RABGEF1: variants seen among roughly 807,000 people sequenced by gnomAD.
The protein encoded by RABGEF1 is RAB guanine nucleotide exchange factor 1.
A neutral mutation model predicts 57.3 loss-of-function variants in RABGEF1; 26 were observed. The observed-to-expected ratio is 0.45, with a 90% CI of 0.33 to 0.63. The LOEUF (loss-of-function observed/expected upper bound fraction) is 0.63. Among genes scored for constraint, RABGEF1 ranks in the 20% least tolerant of loss-of-function variants. The probability of loss-of-function intolerance (pLI) is 0.02; values close to 1 mark genes in which losing one functional copy is unlikely to be tolerated. For synonymous variants in RABGEF1, 185 were observed against 210.7 expected (o/e 0.88, Z 1.06); for missense variants, 464 against 607.6 (o/e 0.76, Z 2.48).
At chr7:66,741,649 T>G (rs1389316735) in intron 1 of RABGEF1, among the ~76,000 whole-genome samples, 3 of 152,200 alleles carry the variant, frequency 2.0e-5, no homozygotes, top group Non-Finnish European at 2.9e-5. Flanking sequence ...AGTTGGTTTT[T>G]GGCCTGGAGA....
intron 1 of RABGEF1, among the ~76,000 whole-genome samples, chr7:66,686,896 A>G (rs956468077): frequency 4.0e-5 from 6 of 150,534 alleles, no homozygotes; most frequent in African/African-American, 1.2e-4. Flanking sequence ...ATCTCGGCTC[A>G]CTGCAAGCTC....
At chr7:66,671,036 G>T in the RABGEF1 span, among the ~76,000 whole-genome samples, 16 of 151,810 alleles carry the variant, frequency 1.1e-4, no homozygotes, top group African/African-American at 3.6e-4. Flanking sequence ...TATATATAGA[G>T]AGAGAGATAG....
At chr7:66,761,056 C>A (rs1804201924) in intron 1 of RABGEF1, among the ~76,000 whole-genome samples, 1 of 152,166 alleles carries the variant, frequency 6.6e-6, no homozygotes, top group Non-Finnish European at 1.5e-5. Flanking sequence ...GAATTGAGAA[C>A]CTGTGATATG....
the RABGEF1 span, among the ~76,000 whole-genome samples, chr7:66,675,861 A>T: frequency 6.6e-6 from 1 of 152,290 alleles, no homozygotes; most frequent in African/African-American, 2.4e-5. Context: ...TTTAGGGTAA[A>T]TTTAACCAAG....
At chr7:66,708,285 T>C (rs1463583320) in intron 1 of RABGEF1, among the ~76,000 whole-genome samples, 1 of 151,976 alleles carries the variant, frequency 6.6e-6, no homozygotes, top group African/African-American at 2.4e-5. Context: ...GTTTTTTTTT[T>C]TTCCTAATTT....
chr7:66,759,673 T>C (rs1399597499), intron 1 of RABGEF1, among the ~76,000 whole-genome samples: 2 of 152,068 alleles, frequency 1.3e-5, no homozygotes, highest in Non-Finnish European at 2.9e-5. Context: ...GTGTCTCCCC[T>C]AGTGGGAGCA....
intron 4 of RABGEF1, among the ~76,000 whole-genome samples, chr7:66,787,676 A>G (rs976426621): frequency 6.6e-6 from 1 of 152,126 alleles, no homozygotes; most frequent in Non-Finnish European, 1.5e-5. Context: ...ACCTTAACCA[A>G]GCTTCACACA....
intron 4 of RABGEF1, among the ~76,000 whole-genome samples, chr7:66,785,884 A>G (rs1811068299): frequency 6.6e-6 from 1 of 152,132 alleles, no homozygotes; most frequent in South Asian, 2.1e-4. Context: ...GGGGGGAAAA[A>G]AAAAAAGTCT....
intron 3 of RABGEF1, among the ~76,000 whole-genome samples, chr7:66,776,397 A>C (rs1393015371): frequency 6.6e-6 from 1 of 152,236 alleles, no homozygotes; most frequent in African/African-American, 2.4e-5. Flanking sequence ...CCTCTCTTTA[A>C]GACATGGATA....
chr7:66,750,540 G>A (rs1165026603), intron 1 of RABGEF1, among the ~76,000 whole-genome samples: 1 of 152,086 alleles, frequency 6.6e-6, no homozygotes, highest in Non-Finnish European at 1.5e-5. Flanking sequence ...CCTTAAAGAG[G>A]AATTTTTGCC....
chr7:66,708,930 C>A (rs1353618161), intron 1 of RABGEF1, among the ~76,000 whole-genome samples: 2 of 152,008 alleles, frequency 1.3e-5, no homozygotes, highest in Non-Finnish European at 2.9e-5. Context: ...AAGAAATATG[C>A]AATATGCCTT....
chr7:66,806,289 T>C (rs1788423231), intron 8 of RABGEF1, among the ~76,000 whole-genome samples: 1 of 152,226 alleles, frequency 6.6e-6, no homozygotes, highest in South Asian at 2.1e-4. Flanking sequence ...GATTTATTTC[T>C]AGGTTCTAAG....
chr7:66,786,394 C>A (rs1811197286), intron 4 of RABGEF1, among the ~76,000 whole-genome samples: 1 of 152,052 alleles, frequency 6.6e-6, no homozygotes. Context: ...CTCTTTCTTT[C>A]CTTTCCTTTC....
the RABGEF1 span, among the ~76,000 whole-genome samples, chr7:66,656,596 C>T: frequency 1.2e-4 from 18 of 151,884 alleles, no homozygotes; most frequent in Middle Eastern, 3.2e-3. Context: ...CCGAGGCGGT[C>T]GGATCATGTG....
upstream of RABGEF1, chr7:66,740,181 C>G (rs1050731205): frequency 2.0e-5 from 3 of 152,766 alleles, no homozygotes; most frequent in African/African-American, 4.8e-5. Context: ...CTCTGTGGCC[C>G]AGGCTGGTCT....
chr7:66,771,541 C>T (rs977177188), intron 1 of RABGEF1, among the ~76,000 whole-genome samples: 4 of 152,246 alleles, frequency 2.6e-5, no homozygotes, highest in Non-Finnish European at 4.4e-5. Flanking sequence ...AATCCAGTGT[C>T]GGGAAGCTTT....
intron 5 of RABGEF1, among the ~76,000 whole-genome samples, chr7:66,796,144 G>A (rs1813986118): frequency 6.6e-6 from 1 of 151,980 alleles, no homozygotes; most frequent in Admixed American, 6.6e-5. Flanking sequence ...CTTCAAAAAA[G>A]AGAGAGAGAA....
At chr7:66,762,490 T>G (rs1001983716) in intron 1 of RABGEF1, among the ~76,000 whole-genome samples, 3 of 152,000 alleles carry the variant, frequency 2.0e-5, no homozygotes, top group African/African-American at 7.2e-5. Flanking sequence ...CTCAAGAGGC[T>G]GAGACGAGAG....
At chr7:66,680,252 T>A (rs1789602793), upstream of RABGEF1, among the ~76,000 whole-genome samples, 1 of 146,298 alleles carries the variant, frequency 6.8e-6, no homozygotes, top group African/African-American at 2.5e-5. Flanking sequence ...TGTTTTCTCA[T>A]TTTTTTTTTT....
Sources: allele counts gnomAD v4.1 joint callset (sites outside exome capture counted in the v4.1 genomes callset), GRCh38; gene constraint gnomAD v4.1.1; transcripts MANE v1.5; gene names NCBI Gene and HGNC (gene_info 2026-07-23, HGNC 2026-07-21).